The following NR3C2 variants were observed in gnomAD, a reference collection of about 807,000 sequenced individuals.
NR3C2 encodes nuclear receptor subfamily 3 group C member 2, also known as mineralocorticoid receptor.
NR3C2 carries 15 observed loss-of-function variants against 86.4 expected under a neutral mutation model. The ratio of observed to expected loss-of-function variants is 0.17; its 90% CI spans 0.12 to 0.27. NR3C2 has a LOEUF of 0.27. Ranked by LOEUF, NR3C2 falls within the 10% of genes least tolerant of loss-of-function variation. The pLI, the probability that NR3C2 is intolerant of heterozygous loss-of-function variation, is 1.00. For missense variants in NR3C2, 960 were observed against 1,195.6 expected (o/e 0.80, Z 2.91); for synonymous variants, 458 against 450.5 (o/e 1.02, Z -0.21).
intron 2 of NR3C2, among the ~76,000 whole-genome samples, chr4:148,295,985 C>A (rs1459501906): frequency 8.2e-6 from 1 of 122,490 alleles, no homozygotes; most frequent in Non-Finnish European, 1.6e-5. Flanking sequence ...ACACAGAAGA[C>A]AATTTTATTC....
chr4:148,162,131 A>G (rs940899436), intron 4 of NR3C2, among the ~76,000 whole-genome samples: 2 of 152,184 alleles, frequency 1.3e-5, no homozygotes, highest in Admixed American at 6.5e-5. Flanking sequence ...CAGAAGCCAG[A>G]ACTGGGCAGA....
chr4:148,221,273 T>C (rs1737825926), intron 3 of NR3C2, among the ~76,000 whole-genome samples: 1 of 152,226 alleles, frequency 6.6e-6, no homozygotes, highest in South Asian at 2.1e-4. Flanking sequence ...TATGAATATA[T>C]CTGTTAAATC....
At chr4:148,336,459 CGAACTTGGATAAATGG>C (rs1744493141) in intron 2 of NR3C2, among the ~76,000 whole-genome samples, 1 of 152,016 alleles carries the variant, frequency 6.6e-6, no homozygotes, top group African/African-American at 2.4e-5. Flanking sequence ...ATGATTTAGC[CGAACTTGGATAAATGG>C]GAACTTGGAT....
chr4:148,358,922 A>G (rs1365181220), intron 2 of NR3C2, among the ~76,000 whole-genome samples: 1 of 151,896 alleles, frequency 6.6e-6, no homozygotes, highest in East Asian at 1.9e-4. Context: ...CTACAAAAAC[A>G]CTAAGTGGAT....
intron 4 of NR3C2, among the ~76,000 whole-genome samples, chr4:148,160,092 G>A (rs527374496): frequency 1.3e-4 from 20 of 152,322 alleles, no homozygotes; most frequent in African/African-American, 4.3e-4. Context: ...CTACCTGGAT[G>A]TTATAATAAC....
intron 3 of NR3C2, among the ~76,000 whole-genome samples, chr4:148,204,977 C>A (rs556666831): frequency 3.9e-5 from 6 of 152,298 alleles, no homozygotes; most frequent in Admixed American, 3.9e-4. Flanking sequence ...GCCCAACCAG[C>A]TAATCCCTCA....
chr4:148,316,969 T>C (rs1743220037), intron 2 of NR3C2, among the ~76,000 whole-genome samples: 1 of 152,092 alleles, frequency 6.6e-6, no homozygotes, highest in South Asian at 2.1e-4. Context: ...TTCCAGCTAA[T>C]TTTTGTAGAG....
At chr4:148,349,404 G>C (rs1745159818) in intron 2 of NR3C2, among the ~76,000 whole-genome samples, 1 of 151,840 alleles carries the variant, frequency 6.6e-6, no homozygotes, top group African/African-American at 2.4e-5. Context: ...CACTTCTCCA[G>C]GGACAACTCA....
chr4:148,320,496 C>G (rs1191011077), intron 2 of NR3C2, among the ~76,000 whole-genome samples: 2 of 136,550 alleles, frequency 1.5e-5, no homozygotes, highest in South Asian at 5.4e-4. Flanking sequence ...GCTGTGAATC[C>G]ATCTGGTCCT....
chr4:148,173,078 A>G (rs1735208572), intron 4 of NR3C2, among the ~76,000 whole-genome samples: 1 of 152,236 alleles, frequency 6.6e-6, no homozygotes, highest in Non-Finnish European at 1.5e-5. Context: ...AACTGTGTTG[A>G]CAAAGGCACA....
chr4:148,420,919 A>C (rs2126605582), intron 2 of NR3C2, among the ~76,000 whole-genome samples: 2 of 152,306 alleles, frequency 1.3e-5, no homozygotes, highest in South Asian at 4.1e-4. Flanking sequence ...CCTCCTCAGA[A>C]GCCGAGCAGA....
At chr4:148,270,365 T>A (rs1740619579) in intron 2 of NR3C2, among the ~76,000 whole-genome samples, 2 of 152,120 alleles carry the variant, frequency 1.3e-5, no homozygotes, top group Admixed American at 1.3e-4. Context: ...CTCTTCTACT[T>A]CTCTTACACT....
chr4:148,101,025 CAGAA>C (rs1560921605), intron 8 of NR3C2, among the ~76,000 whole-genome samples: 4 of 152,036 alleles, frequency 2.6e-5, no homozygotes, highest in Non-Finnish European at 4.4e-5. Context: ...TTCATAGAGA[CAGAA>C]AGAGGGGAAG....
At chr4:148,252,344 G>A (rs1449865751) in intron 3 of NR3C2, among the ~76,000 whole-genome samples, 5 of 152,146 alleles carry the variant, frequency 3.3e-5, no homozygotes, top group African/African-American at 9.7e-5. Context: ...CCAAACTCAT[G>A]AAACTTTGGC....
intron 6 of NR3C2, among the ~76,000 whole-genome samples, chr4:148,147,295 ACCCAAAGTTTTGTT>A (rs998068842): frequency 6.6e-5 from 10 of 152,316 alleles, no homozygotes; most frequent in African/African-American, 2.4e-4. Flanking sequence ...TTGAAGGCAA[ACCCAAAGTTTTGTT>A]CCTCTGTTTT....
At chr4:148,443,069 T>C, upstream of NR3C2, 1 of 719,744 alleles carries the variant, frequency 1.4e-6, no homozygotes, top group Non-Finnish European at 1.7e-6. Flanking sequence ...CCCTTTCCAC[T>C]GTCTCCAGAG....
chr4:148,342,484 T>C (rs1579182847), intron 2 of NR3C2, among the ~76,000 whole-genome samples: 1 of 152,168 alleles, frequency 6.6e-6, no homozygotes, highest in Non-Finnish European at 1.5e-5. Flanking sequence ...TGTATTGTGA[T>C]AGGTATCAAG....
At chr4:148,300,813 C>T (rs1055282713) in intron 2 of NR3C2, among the ~76,000 whole-genome samples, 1 of 152,124 alleles carries the variant, frequency 6.6e-6, no homozygotes, top group Admixed American at 6.5e-5. Flanking sequence ...CTCAGGTAAT[C>T]CACCCACCTT....
At chr4:148,269,027 A>G (rs1470155095) in intron 2 of NR3C2, among the ~76,000 whole-genome samples, 1 of 152,210 alleles carries the variant, frequency 6.6e-6, no homozygotes, top group Non-Finnish European at 1.5e-5. Flanking sequence ...CTTAAAAGAT[A>G]GGTTGTCCTC....
Sources: allele counts gnomAD v4.1 joint callset (sites outside exome capture counted in the v4.1 genomes callset), GRCh38; gene constraint gnomAD v4.1.1; transcripts MANE v1.5; gene names NCBI Gene and HGNC (gene_info 2026-07-23, HGNC 2026-07-21).